Variants in TBC1D22A observed in about 807,000 individuals in gnomAD.
The protein encoded by TBC1D22A is TBC1 domain family member 22A.
Under a neutral mutation model 60.2 loss-of-function variants are expected in TBC1D22A, and 38 were observed. The ratio of observed to expected loss-of-function variants is 0.63; its 90% CI spans 0.49 to 0.83. The LOEUF is 0.83. TBC1D22A is among the 40% of genes least tolerant of loss of function. TBC1D22A has a pLI of 0.00. For missense variants in TBC1D22A, 628 were observed against 701.0 expected, an observed-to-expected ratio of 0.90 and a Z score of 1.18; for synonymous variants, 302 against 281.7, an observed-to-expected ratio of 1.07 and a Z score of -0.72.
At chr22:47,072,129 AG>A (rs1185423484) in intron 11 of TBC1D22A, among the ~76,000 whole-genome samples, 1 of 152,234 alleles carries the variant, frequency 6.6e-6, no homozygotes, top group Non-Finnish European at 1.5e-5. Context: ...CCCGAGGCAG[AG>A]GCATGGCCAG....
intron 7 of TBC1D22A, among the ~76,000 whole-genome samples, chr22:46,898,950 T>A (rs2068831988): frequency 6.6e-6 from 1 of 152,158 alleles, no homozygotes; most frequent in South Asian, 2.1e-4. Context: ...TCAGGTCCTA[T>A]GTGCTCCCCC....
intron 11 of TBC1D22A, among the ~76,000 whole-genome samples, chr22:47,066,564 C>T (rs1256989916): frequency 2.0e-5 from 3 of 152,210 alleles, no homozygotes; most frequent in African/African-American, 7.2e-5. Context: ...GGCTGGGAAG[C>T]ACAGCCTGGC....
intron 1 of TBC1D22A, among the ~76,000 whole-genome samples, chr22:46,776,651 G>C (rs2083718837): frequency 6.6e-6 from 1 of 152,090 alleles, no homozygotes; most frequent in African/African-American, 2.4e-5. Context: ...GGTAGGACGA[G>C]GCCAGCCAGG....
chr22:46,946,613 C>T (rs1200423880), intron 8 of TBC1D22A, among the ~76,000 whole-genome samples: 1 of 152,276 alleles, frequency 6.6e-6, no homozygotes, highest in Middle Eastern at 3.4e-3. Context: ...ACTGTGCTTG[C>T]GTGAGTCCCA....
chr22:47,077,232 C>T (rs1164781176), intron 11 of TBC1D22A, among the ~76,000 whole-genome samples: 1 of 152,212 alleles, frequency 6.6e-6, no homozygotes, highest in African/African-American at 2.4e-5. Flanking sequence ...TTCCCCAACT[C>T]TCTGTGTGCA....
chr22:47,135,934 G>A (rs1161355197), intron 12 of TBC1D22A, among the ~76,000 whole-genome samples: 1 of 152,216 alleles, frequency 6.6e-6, no homozygotes, highest in Non-Finnish European at 1.5e-5. Flanking sequence ...GGACCACCCG[G>A]ACACACGTGG....
chr22:47,054,917 T>C (rs558862653), intron 11 of TBC1D22A, among the ~76,000 whole-genome samples: 69 of 152,342 alleles, frequency 4.5e-4, no homozygotes, highest in African/African-American at 1.6e-3. Flanking sequence ...GTTGGCACTC[T>C]CACCCTTAAA....
Position 46,912,145 on chromosome 22 carries a change from T to G in TBC1D22A, c.972T>G (p.Asp324Glu), listed in dbSNP as rs2069974082. 6.2e-7 allele frequency: 1 copy of G among 1,613,982 alleles called. No individual in the cohort carries two copies. The highest frequency in any genetic ancestry group is 8.5e-7 in the Non-Finnish European group (1 of 1,180,000). The stretch of plus-strand genomic sequence containing the variant: ...GTGGATACGTTCAGGGTATAAATGA[T>G]CTCGTCACTCCTTTCTTTGTGGTCT... ...PASGYVQGIN[D>E]LVTPFFVVFI... Residue 324 changes from aspartate to glutamate, a missense_variant, in exon 8 of 13, where the codon GAT (aspartate) becomes GAG (glutamate). Transcript: ENST00000337137.
intron 11 of TBC1D22A, among the ~76,000 whole-genome samples, chr22:47,081,216 A>G (rs565629612): frequency 6.6e-6 from 1 of 152,218 alleles, no homozygotes; most frequent in African/African-American, 2.4e-5. Flanking sequence ...TACCCATGTG[A>G]CTGACCACGT....
At chr22:46,960,450 C>T (rs988584723) in intron 8 of TBC1D22A, among the ~76,000 whole-genome samples, 2 of 152,066 alleles carry the variant, frequency 1.3e-5, no homozygotes, top group South Asian at 2.1e-4. Context: ...TTATTAGAGA[C>T]GGGTTTTCGC....
At chr22:46,910,876 C>T (rs2069867909) in intron 7 of TBC1D22A, among the ~76,000 whole-genome samples, 1 of 150,258 alleles carries the variant, frequency 6.7e-6, no homozygotes, top group Non-Finnish European at 1.5e-5. Context: ...GCAGGCTTTC[C>T]AGGCAGCGGT....
At chr22:47,058,711 G>C (rs1229737182) in intron 11 of TBC1D22A, among the ~76,000 whole-genome samples, 1 of 152,144 alleles carries the variant, frequency 6.6e-6, no homozygotes, top group African/African-American at 2.4e-5. Context: ...CAGTGGCTCT[G>C]CCCCACCAGG....
At chr22:47,083,580 C>G (rs1356442961) in intron 11 of TBC1D22A, among the ~76,000 whole-genome samples, 2 of 152,172 alleles carry the variant, frequency 1.3e-5, no homozygotes, top group Non-Finnish European at 2.9e-5. Flanking sequence ...CTCAGTGAGG[C>G]TGCGTTGGGA....
At chr22:46,885,853 C>T (rs1025969661) in intron 5 of TBC1D22A, among the ~76,000 whole-genome samples, 10 of 152,054 alleles carry the variant, frequency 6.6e-5, no homozygotes, top group East Asian at 1.9e-4. Context: ...CGCAGAACCA[C>T]GCCTGGCACT....
intron 12 of TBC1D22A, among the ~76,000 whole-genome samples, chr22:47,137,030 G>C (rs531981760): frequency 6.6e-6 from 1 of 152,238 alleles, no homozygotes; most frequent in Non-Finnish European, 1.5e-5. Context: ...CACTCGGCGC[G>C]GGCAAAGAAG....
At chr22:47,162,675 GGAGAGT>G (rs1569479271) in intron 12 of TBC1D22A, among the ~76,000 whole-genome samples, 26 of 49,548 alleles carry the variant, frequency 5.2e-4, no homozygotes, top group African/African-American at 1.5e-3. Context: ...CCCGGTGCAG[GGAGAGT>G]CGTGGGAATG....
At chr22:47,110,237 C>T (rs5767504) in intron 11 of TBC1D22A, among the ~76,000 whole-genome samples, 112,817 of 152,118 alleles carry the variant, frequency 0.74, 43,229 homozygotes, top group African/African-American at 0.94. Context: ...CCCAGCACTT[C>T]GGGAGGCTGA....
At position 47,028,970 on chromosome 22, in the gene TBC1D22A, G is replaced by T. The variant is rs2062360701; in HGVS notation, c.1202-8101G>T. Among the ~76,000 whole-genome samples, 1 of 152,176 alleles carries T rather than the reference G, an allele frequency of 6.6e-6. No individual in the cohort carries two copies. Among genetic ancestry groups the T allele is most frequent in the Non-Finnish European group, 1.5e-5 (1 of 68,026 alleles). ...TTCAGACTCCAGCTGCACCTCAGTG[G>T]TCCCCAGGCCACCTGCACCTCTGCC... On this transcript the variant is annotated intron_variant, in intron 10 of 12. Transcript: ENST00000337137. This position sits in a 1 kb window ranked among gnomAD's most constrained non-coding sequence, Gnocchi z 4.4.
intron 8 of TBC1D22A, among the ~76,000 whole-genome samples, chr22:46,960,807 C>A (rs1220919384): frequency 6.6e-6 from 1 of 151,922 alleles, no homozygotes; most frequent in South Asian, 2.1e-4. Context: ...ATTAGCCAGG[C>A]GTGGTGGCGG....
Sources: allele counts gnomAD v4.1 joint callset (sites outside exome capture counted in the v4.1 genomes callset), GRCh38; gene constraint gnomAD v4.1.1; non-coding constraint Gnocchi (gnomAD v3.1); transcripts MANE v1.5; gene names NCBI Gene and HGNC (gene_info 2026-07-23, HGNC 2026-07-21).